Variants in PPP2R2C observed in about 807,000 individuals in gnomAD.
The protein encoded by PPP2R2C is protein phosphatase 2 regulatory subunit Bgamma.
A neutral mutation model predicts 45.3 loss-of-function variants in PPP2R2C; 10 were observed. The observed-to-expected ratio is 0.22, with a 90% CI of 0.14 to 0.37. PPP2R2C has a LOEUF of 0.37. Ranked by LOEUF, PPP2R2C falls within the 10% of genes least tolerant of loss-of-function variation. The pLI is 1.00. For missense variants in PPP2R2C, 308 were observed against 619.7 expected (o/e 0.50, Z 5.34); for synonymous variants, 257 against 245.4 (o/e 1.05, Z -0.44).
At position 6,345,447 on chromosome 4, in the gene PPP2R2C, T is replaced by G. The variant is rs1334743364; in HGVS notation, c.790+2399A>C. On this transcript the variant is annotated intron_variant, in intron 6 of 8. Coordinates refer to ENST00000382599, the MANE Select transcript of PPP2R2C (RefSeq NM_020416.4). The surrounding 1 kb of genome is among the most constrained non-coding windows in gnomAD (Gnocchi z 5.3). ...CCAAAGATGAAATCAAGGACGCAACTCAGCCAACCTTGAGATGAGGAAGTC... is the reference window on the plus strand; with the variant it reads ...CCAAAGATGAAATCAAGGACGCAACGCAGCCAACCTTGAGATGAGGAAGTC... Among the ~76,000 whole-genome samples the G allele has an allele frequency of 6.6e-6, 1 of 152,114 alleles. No homozygotes were observed. Among genetic ancestry groups the G allele is most frequent in the East Asian group, 1.9e-4 (1 of 5,190 alleles).
In PPP2R2C at chr4:6,378,393, G is replaced by C. The variant is rs376854021; in HGVS notation, c.334+14C>G. On this transcript the variant is annotated intron_variant, in intron 3 of 8. Transcript: ENST00000382599. This position sits in a 1 kb window ranked among gnomAD's most constrained non-coding sequence, Gnocchi z 5.2. ...GGCCTGTGCCCATGCAAGCGAGGCCGGGCAGCGCCTCACCGTTGGTGGACA... is the reference window on the plus strand; with the variant it reads ...GGCCTGTGCCCATGCAAGCGAGGCCCGGCAGCGCCTCACCGTTGGTGGACA... 1 of 1,613,952 alleles carries C rather than the reference G, an allele frequency of 6.2e-7. No individual in the cohort carries two copies. The highest frequency in any genetic ancestry group is 1.1e-5 in the South Asian group (1 of 91,080).
chr4:6,393,545 G>A (rs903107792), intron 1 of PPP2R2C, among the ~76,000 whole-genome samples: 2 of 152,214 alleles, frequency 1.3e-5, no homozygotes, highest in South Asian at 4.1e-4. Flanking sequence ...GGACTCATGA[G>A]CCTACGAATG....
chr4:6,409,017 A>G (rs1577156679), intron 1 of PPP2R2C, among the ~76,000 whole-genome samples: 1 of 152,062 alleles, frequency 6.6e-6, no homozygotes, highest in East Asian at 1.9e-4. Flanking sequence ...GATGTAGGCA[A>G]ACAGCTAGAG....
In PPP2R2C at chr4:6,368,836, C is replaced by T. The variant is rs764458773; in HGVS notation, c.625+3687G>A. 1.3e-5 allele frequency among the ~76,000 whole-genome samples: 2 copies of T among 152,188 alleles called. No individual in the cohort carries two copies. Among genetic ancestry groups the T allele is most frequent in the Admixed American group, 6.5e-5 (1 of 15,272 alleles). On this transcript the variant is annotated intron_variant, in intron 5 of 8. Transcript: ENST00000382599. This position sits in a 1 kb window ranked among gnomAD's most constrained non-coding sequence, Gnocchi z 4.2. ...GAATCCAATCCACCCACGACACACA[C>T]CCACGACATACACACCTCCAAAGCT...
At chr4:6,338,800 C>T (rs762626624) in intron 6 of PPP2R2C, among the ~76,000 whole-genome samples, 10 of 152,164 alleles carry the variant, frequency 6.6e-5, no homozygotes, top group Admixed American at 2.0e-4. Flanking sequence ...GGCATCTCCC[C>T]CTGCCTCCCG....
intron 2 of PPP2R2C, among the ~76,000 whole-genome samples, chr4:6,501,487 A>G (rs1409490445): frequency 6.6e-6 from 1 of 152,172 alleles, no homozygotes; most frequent in African/African-American, 2.4e-5. Flanking sequence ...CTGGGGGACC[A>G]TGCCCCTTCG....
intron 4 of PPP2R2C, among the ~76,000 whole-genome samples, chr4:6,375,416 G>A (rs548334970): frequency 6.6e-6 from 1 of 152,216 alleles, no homozygotes; most frequent in East Asian, 1.9e-4. Flanking sequence ...GGACTCAGGA[G>A]CCACAAAGCT....
chr4:6,545,090 C>T (rs897409420), intron 1 of PPP2R2C, among the ~76,000 whole-genome samples: 11 of 152,160 alleles, frequency 7.2e-5, no homozygotes, highest in Admixed American at 2.0e-4. Flanking sequence ...CTGGGGCTCT[C>T]CCGGGCTCAC....
intron 1 of PPP2R2C, chr4:6,413,956 G>A: frequency 6.5e-7 from 1 of 1,536,074 alleles, no homozygotes; most frequent in South Asian, 1.2e-5. Context: ...GAATGAGGCT[G>A]CTCCCTGGTG....
intron 1 of PPP2R2C, chr4:6,382,368 C>T (rs1054299920): frequency 2.1e-5 from 28 of 1,339,572 alleles, no homozygotes; most frequent in African/African-American, 2.1e-4. Flanking sequence ...CAGATCTGAC[C>T]GTTGCTCCCT....
At chr4:6,360,245 A>C (rs1054968913) in intron 5 of PPP2R2C, among the ~76,000 whole-genome samples, 1 of 152,214 alleles carries the variant, frequency 6.6e-6, no homozygotes, top group Non-Finnish European at 1.5e-5. Flanking sequence ...CTGGCTCCCT[A>C]ACTTCCAGTC....
At position 6,349,534 on chromosome 4, in the gene PPP2R2C, C is replaced by G. The variant is rs927986525; in HGVS notation, c.626-1524G>C. 19 of 985,316 alleles carry G rather than the reference C, an allele frequency of 1.9e-5. No individual in the cohort carries two copies. In the African/African-American group the frequency reaches 3.0e-4, roughly 15 times the overall value. The allele number at this position is 985,316 out of a possible 1,614,324, so 61.0% of individuals were successfully genotyped here. A position where few individuals can be genotyped will look rare whatever the true frequency, so the allele number is the denominator to read the frequency against. Reference sequence around the variant, plus strand: ...AAACTCTGAAATCCATCTGCCCTCCCTCTTCCTCCACCCAAGCTGCTGCCT... The same window carrying G: ...AAACTCTGAAATCCATCTGCCCTCCGTCTTCCTCCACCCAAGCTGCTGCCT... On this transcript the variant is annotated intron_variant, in intron 5 of 8. Transcript: ENST00000382599.
chr4:6,400,156 G>C (rs1717317246), intron 1 of PPP2R2C, among the ~76,000 whole-genome samples: 1 of 152,150 alleles, frequency 6.6e-6, no homozygotes, highest in Admixed American at 6.5e-5. Context: ...GGGGATTGTG[G>C]GGTTCTCCCT....
intron 1 of PPP2R2C, among the ~76,000 whole-genome samples, chr4:6,403,036 G>A (rs141852973): frequency 6.3e-4 from 96 of 152,302 alleles, no homozygotes; most frequent in Middle Eastern, 3.4e-3. Context: ...AAGACCAGGC[G>A]GCAGGAGGGC....
rs764453190 is a variant in PPP2R2C at position 6,378,546 on chromosome 4, G to A, written c.195C>T (p.Gly65=). The change falls in exon 3 of 9, where the codon GGC becomes GGT. Residue 65 remains glycine, a synonymous_variant. Coordinates refer to ENST00000382599, the MANE Select transcript of PPP2R2C (RefSeq NM_020416.4). This position sits in a 1 kb window ranked among gnomAD's most constrained non-coding sequence, Gnocchi z 5.2. The stretch of plus-strand genomic sequence containing the variant: ...GGAAAGTGCTGTACACGTCGTATTC[G>A]CCCTGGCTGTGGGGCGCATTTTTAC... ...PESKNAPHSQ[G]EYDVYSTFQS... The A allele has an allele frequency of 1.7e-5, 27 of 1,613,820 alleles. No individual in the cohort carries two copies. The highest frequency in any genetic ancestry group is 4.4e-5 in the South Asian group (4 of 91,062).
chr4:6,445,197 C>CAA (rs1405073334), intron 1 of PPP2R2C, among the ~76,000 whole-genome samples: 7 of 147,294 alleles, frequency 4.8e-5, no homozygotes, highest in African/African-American at 1.3e-4. Flanking sequence ...TCAACAAAAG[C>CAA]AAAATAAAAA....
At chr4:6,543,691 C>G (rs1724880841) in intron 1 of PPP2R2C, among the ~76,000 whole-genome samples, 1 of 152,230 alleles carries the variant, frequency 6.6e-6, no homozygotes, top group Admixed American at 6.5e-5. Flanking sequence ...GGCCACCCAG[C>G]TTGTCACATA....
chr4:6,482,626 T>C (rs1722393772), intron 2 of PPP2R2C, among the ~76,000 whole-genome samples: 1 of 152,230 alleles, frequency 6.6e-6, no homozygotes, highest in Non-Finnish European at 1.5e-5. Context: ...CACATGCTTC[T>C]AATAGTTTGA....
intron 6 of PPP2R2C, among the ~76,000 whole-genome samples, chr4:6,343,402 T>C (rs992227126): frequency 5.1e-4 from 77 of 152,328 alleles, no homozygotes; most frequent in African/African-American, 1.8e-3. Context: ...TAAATAAAAT[T>C]TGCATAAATC....
Sources: gnomAD v4.1 joint callset for allele counts (sites outside exome capture counted in the v4.1 genomes callset) on GRCh38, gnomAD v4.1.1 for gene constraint, Gnocchi (gnomAD v3.1) non-coding constraint, MANE v1.5 for transcripts, NCBI Gene and HGNC (gene_info 2026-07-23, HGNC 2026-07-21) for gene names.